The following CLDN14 variants were observed in gnomAD, a reference collection of about 807,000 sequenced individuals.
CLDN14 encodes the protein claudin-14.
Under a neutral mutation model 2.1 loss-of-function variants are expected in CLDN14, and 2 were observed. The observed-to-expected ratio is 0.96, with a 90% CI of 0.39 to 3.01. The LOEUF (loss-of-function observed/expected upper bound fraction) is 3.01, where lower values mean the gene tolerates loss of function less well. Ranked by LOEUF, CLDN14 falls within the 30% of genes most tolerant of loss-of-function variation. The probability of loss-of-function intolerance (pLI) is 0.09; values close to 1 mark genes in which losing one functional copy is unlikely to be tolerated. For missense variants in CLDN14, 298 were observed against 328.0 expected (o/e 0.91, Z 0.71); for synonymous variants, 136 against 154.4 (o/e 0.88, Z 0.88).
chr21:36,546,259 C>T (rs1390333101), intron 1 of CLDN14, among the ~76,000 whole-genome samples: 1 of 152,142 alleles, frequency 6.6e-6, no homozygotes, highest in East Asian at 1.9e-4. Flanking sequence ...AATTCTCAGG[C>T]CTCATCCCAG....
intron 1 of CLDN14, among the ~76,000 whole-genome samples, chr21:36,548,916 C>T (rs1218554960): frequency 6.6e-6 from 1 of 152,196 alleles, no homozygotes; most frequent in Non-Finnish European, 1.5e-5. Context: ...TCTCCAGGCT[C>T]CCACCACACC....
At chr21:36,490,935 C>T (rs2086957160) in intron 2 of CLDN14, among the ~76,000 whole-genome samples, 1 of 143,484 alleles carries the variant, frequency 7.0e-6, no homozygotes. Flanking sequence ...TGGGCACACA[C>T]ATGCAAGTGC....
At chr21:36,487,558 T>C (rs1216689851) in intron 2 of CLDN14, 1 of 152,482 alleles carries the variant, frequency 6.6e-6, no homozygotes, top group Non-Finnish European at 1.5e-5. Flanking sequence ...AGTTAATTGA[T>C]GGCAATGTAT....
At chr21:36,517,431 T>C (rs1052249376) in intron 1 of CLDN14, among the ~76,000 whole-genome samples, 1 of 152,200 alleles carries the variant, frequency 6.6e-6, no homozygotes, top group Non-Finnish European at 1.5e-5. Flanking sequence ...AGTCTGAACA[T>C]CAAAACCTGA....
At chr21:36,489,585 G>T (rs996290160) in intron 2 of CLDN14, among the ~76,000 whole-genome samples, 8 of 152,284 alleles carry the variant, frequency 5.3e-5, no homozygotes, top group East Asian at 3.9e-4. Context: ...AGGGCCTGGT[G>T]GGGGGCCGGG....
At chr21:36,518,990 A>G (rs2087249055) in intron 1 of CLDN14, among the ~76,000 whole-genome samples, 1 of 152,228 alleles carries the variant, frequency 6.6e-6, no homozygotes, top group Non-Finnish European at 1.5e-5. Flanking sequence ...AAAAGCCAGA[A>G]GCTTCTCTGG....
chr21:36,506,690 T>TG (rs908951652), intron 2 of CLDN14, among the ~76,000 whole-genome samples: 1 of 151,988 alleles, frequency 6.6e-6, no homozygotes, highest in African/African-American at 2.4e-5. Flanking sequence ...CGATCACCTC[T>TG]GGGGGGTGGA....
chr21:36,527,333 ATACT>A lies in CLDN14; in HGVS notation c.-219-16837_-219-16834del, dbSNP rs1193562261. On this transcript the variant is annotated intron_variant, in intron 1 of 2. Coordinates refer to the CLDN14 transcript ENST00000342108. ...GAGTGACTGATGGCTATTTTAAAAA[ATACT>A]TAGCTTAGCGCTACCCTCCATGAGA... Among the ~76,000 whole-genome samples the A allele has an allele frequency of 1.2e-4, 18 of 152,176 alleles. 1 individual carries two copies. The highest frequency in any genetic ancestry group is 1.0e-3 in the Admixed American group (16 of 15,286).
At chr21:36,485,887 A>T in intron 2 of CLDN14, 1 of 589,142 alleles carries the variant, frequency 1.7e-6, no homozygotes, top group Non-Finnish European at 2.8e-6. Context: ...AGCTTTATTT[A>T]GGCTGTAATG....
At chr21:36,514,472 T>C (rs1174882015) in intron 1 of CLDN14, among the ~76,000 whole-genome samples, 1 of 152,212 alleles carries the variant, frequency 6.6e-6, no homozygotes, top group Admixed American at 6.5e-5. Context: ...ATGGTTTCAA[T>C]TGGTTGGTAG....
intron 1 of CLDN14, among the ~76,000 whole-genome samples, chr21:36,564,934 C>T (rs1295910083): frequency 6.6e-6 from 1 of 152,178 alleles, no homozygotes; most frequent in African/African-American, 2.4e-5. Context: ...CTGGAAAAGA[C>T]AAGCAAGTTG....
At chr21:36,461,888 G>A in intron 1 of CLDN14, 112 bp from the exon 2 acceptor site, 1 of 693,706 alleles carries the variant, frequency 1.4e-6, no homozygotes, top group Non-Finnish European at 2.4e-6. Context: ...GGTTGGTGTG[G>A]CAATTAGCAT....
At chr21:36,506,089 G>T (rs553698102) in intron 2 of CLDN14, among the ~76,000 whole-genome samples, 1 of 152,298 alleles carries the variant, frequency 6.6e-6, no homozygotes, top group East Asian at 1.9e-4. Flanking sequence ...ATACTCTCTG[G>T]CTCTTTCTGA....
At chr21:36,542,698 C>T (rs1280891324) in intron 1 of CLDN14, 1 of 152,250 alleles carries the variant, frequency 6.6e-6, no homozygotes, top group South Asian at 2.1e-4. Context: ...CCAGAGGCCC[C>T]CCAGCAGCCC....
At chr21:36,486,719 G>C in intron 2 of CLDN14, 2 of 1,161,700 alleles carry the variant, frequency 1.7e-6, no homozygotes, top group South Asian at 1.3e-5. Context: ...GAGGAATTTA[G>C]CCAGTTTCAC....
At chr21:36,557,916 T>G (rs2087610248) in intron 1 of CLDN14, among the ~76,000 whole-genome samples, 1 of 152,218 alleles carries the variant, frequency 6.6e-6, no homozygotes, top group African/African-American at 2.4e-5. Flanking sequence ...GTTTCAGGTC[T>G]TAGGTTAATC....
rs1231350986 is a variant in CLDN14, at chr21:36,557,078, A to G, written c.-220+19333T>C. Among the ~76,000 whole-genome samples the G allele has an allele frequency of 3.9e-5, 6 of 152,358 alleles. No homozygotes were observed. The East Asian group carries it at 1.2e-3, about 29-fold the overall frequency. ...CTGTGACTGGCTTACTTTATTTAGC[A>G]TAATGGCCTCCAAATTTATCTATGT... On this transcript the variant is annotated intron_variant, in intron 1 of 2. Coordinates refer to the CLDN14 transcript ENST00000342108.
intron 1 of CLDN14, among the ~76,000 whole-genome samples, chr21:36,547,747 G>A (rs2146515107): frequency 6.6e-6 from 1 of 152,268 alleles, no homozygotes; most frequent in East Asian, 1.9e-4. Context: ...AGCCTGGCCG[G>A]AGCTGGCCAC....
At chr21:36,495,383 T>C (rs1484481100) in intron 2 of CLDN14, among the ~76,000 whole-genome samples, 1 of 152,238 alleles carries the variant, frequency 6.6e-6, no homozygotes, top group African/African-American at 2.4e-5. Flanking sequence ...GGATCAAGTT[T>C]ATCCTGAATT....
Sources: allele counts gnomAD v4.1 joint callset (sites outside exome capture counted in the v4.1 genomes callset), GRCh38; gene constraint gnomAD v4.1.1; transcripts MANE v1.5; gene names NCBI Gene and HGNC (gene_info 2026-07-23, HGNC 2026-07-21).